The following RBBP8 variants were observed in gnomAD, a reference collection of about 807,000 sequenced individuals.
The protein encoded by RBBP8 is RB binding protein 8, endonuclease, also known as DNA endonuclease RBBP8.
Under a neutral mutation model 108.3 loss-of-function variants are expected in RBBP8, and 88 were observed. That is an observed-to-expected ratio of 0.81 (90% CI 0.68 to 0.97). RBBP8 has a LOEUF of 0.97. Ranked by LOEUF, RBBP8 falls within the 50% of genes least tolerant of loss-of-function variation. The pLI is 0.00. For synonymous variants in RBBP8, 332 were observed against 348.2 expected (o/e 0.95, Z 0.52); for missense variants, 1,023 against 1,049.0 (o/e 0.98, Z 0.34).
intron 2 of RBBP8, among the ~76,000 whole-genome samples, chr18:22,940,390 G>A (rs571120934): frequency 2.7e-4 from 40 of 147,936 alleles, no homozygotes; most frequent in South Asian, 8.5e-4. Context: ...GCGCGATCTC[G>A]GCTCACTGCA....
intron 12 of RBBP8, 117 bp downstream of exon 12, chr18:22,993,964 TGTCTGTATTTATAGGAC>T: frequency 9.4e-7 from 1 of 1,059,208 alleles, no homozygotes. Flanking sequence ...TTCCTTCAGG[TGTCTGTATTTATAGGAC>T]GATTCTCACA....
At chr18:22,970,623 C>T (rs1284463555) in intron 5 of RBBP8, among the ~76,000 whole-genome samples, 1 of 152,156 alleles carries the variant, frequency 6.6e-6, no homozygotes, top group Non-Finnish European at 1.5e-5. Flanking sequence ...TTAAAATTGG[C>T]ATTCCCTGTT....
chr18:22,993,348 A>G lies in RBBP8; in HGVS notation c.1521A>G (p.Gln507=). 6.2e-7 allele frequency: 1 copy of G among 1,614,274 alleles called. No individual in the cohort carries two copies. The highest frequency in any genetic ancestry group is 1.1e-5 in the South Asian group (1 of 91,092). ...FSAIQRQEKS[Q]GSETSKNKFR... ...CTATTCAGCGTCAAGAGAAAAGCCAAGGAAGTGAGACTTCTAAAAACAAAT... is the reference window on the plus strand; with the variant it reads ...CTATTCAGCGTCAAGAGAAAAGCCAGGGAAGTGAGACTTCTAAAAACAAAT... The change falls in exon 11 of 19, where the codon CAA becomes CAG. Residue 507 remains glutamine, a synonymous_variant. Transcript: ENST00000327155.
intron 18 of RBBP8, among the ~76,000 whole-genome samples, chr18:23,022,948 G>A (rs1039019586): frequency 2.6e-5 from 4 of 151,864 alleles, no homozygotes; most frequent in Admixed American, 2.6e-4. Flanking sequence ...ACCCAGGCTG[G>A]AGTGTAGTGG....
intron 2 of RBBP8, among the ~76,000 whole-genome samples, chr18:22,940,942 T>TGGTC (rs1911036684): frequency 6.6e-6 from 1 of 152,080 alleles, no homozygotes; most frequent in African/African-American, 2.4e-5. Flanking sequence ...CCACCACACC[T>TGGTC]GGTCATTCTA....
Position 22,993,795 on chromosome 18 carries a change from T to C in RBBP8, c.1887T>C (p.Leu629=), listed in dbSNP as rs1296580939. The part of the protein sequence containing the change: ...DHGGCELASV[L]QLNPCRTGKI... ...GAGGATGTGAACTTGCATCAGTTCT[T>C]CAGTTAAATCCATGTAGAACTGGTA... is the stretch of plus-strand genomic sequence containing the variant. Residue 629 remains leucine (L), a synonymous_variant, in exon 12 of 19, where the codon CTT becomes CTC. Coordinates refer to ENST00000327155, the MANE Select transcript of RBBP8 (RefSeq NM_002894.3). 6.2e-7 allele frequency: 1 copy of C among 1,613,730 alleles called. No homozygotes were observed. Among genetic ancestry groups the C allele is most frequent in the Admixed American group, 1.7e-5 (1 of 60,020 alleles).
upstream of RBBP8, chr18:22,929,521 C>CA (rs1909933813): frequency 9.5e-5 from 4 of 42,054 alleles, no homozygotes; most frequent in Non-Finnish European, 2.0e-4. Flanking sequence ...AAGAGACAGG[C>CA]GGGTGTGTGT....
At chr18:22,961,872 CCT>C (rs1913132718) in intron 4 of RBBP8, among the ~76,000 whole-genome samples, 1 of 152,164 alleles carries the variant, frequency 6.6e-6, no homozygotes, top group Non-Finnish European at 1.5e-5. Context: ...AAATCTTTTT[CCT>C]CTCTTTCTCC....
intron 2 of RBBP8, among the ~76,000 whole-genome samples, chr18:22,937,701 C>A (rs1237857283): frequency 1.3e-5 from 2 of 151,936 alleles, no homozygotes; most frequent in Non-Finnish European, 2.9e-5. Context: ...TGGTCTTGAA[C>A]TCCTGGCCTC....
intron 3 of RBBP8, among the ~76,000 whole-genome samples, chr18:22,923,913 A>G (rs1466691173): frequency 1.3e-5 from 2 of 152,208 alleles, no homozygotes; most frequent in Non-Finnish European, 2.9e-5. Context: ...TATCTATTAC[A>G]AGGCAAGTAA....
chr18:23,000,759 T>C (rs35899201), intron 14 of RBBP8, among the ~76,000 whole-genome samples: 1,832 of 148,644 alleles, frequency 0.012, 42 homozygotes, highest in African/African-American at 0.042. Flanking sequence ...AAAAAAAGCA[T>C]GAGTAAAGAA....
At chr18:22,925,066 T>C (rs1033315058) in intron 3 of RBBP8, among the ~76,000 whole-genome samples, 2 of 152,028 alleles carry the variant, frequency 1.3e-5, no homozygotes, top group African/African-American at 2.4e-5. Flanking sequence ...TATTTTCTTG[T>C]AGAGACAGGG....
chr18:23,016,947 A>AT (rs570308340), intron 17 of RBBP8, 23 bp downstream of exon 17: 308 of 1,519,454 alleles, frequency 2.0e-4, no homozygotes, highest in Non-Finnish European at 2.3e-4. Context: ...GTAGATACTA[A>AT]TTTTTTTTTA....
intron 5 of RBBP8, among the ~76,000 whole-genome samples, chr18:22,972,353 CA>C (rs1168455023): frequency 0.019 from 1,053 of 55,892 alleles, 6 homozygotes; most frequent in African/African-American, 0.051. Flanking sequence ...GACTCCCTCT[CA>C]AAAAAAAAAA....
chr18:22,956,471 G>A (rs774330446), intron 4 of RBBP8, among the ~76,000 whole-genome samples: 1 of 152,062 alleles, frequency 6.6e-6, no homozygotes, highest in Non-Finnish European at 1.5e-5. Flanking sequence ...AGGTAGCTAG[G>A]ACTACAGGCA....
chr18:22,946,839 A>G (rs1034797618), intron 3 of RBBP8, among the ~76,000 whole-genome samples: 4 of 152,126 alleles, frequency 2.6e-5, no homozygotes, highest in African/African-American at 9.6e-5. Flanking sequence ...CATAATTAAC[A>G]CATGGAATTC....
intron 4 of RBBP8, among the ~76,000 whole-genome samples, chr18:22,967,124 TG>T (rs1359335960): frequency 6.6e-6 from 1 of 152,148 alleles, no homozygotes; most frequent in African/African-American, 2.4e-5. Flanking sequence ...CCCAGCACTT[TG>T]GGAGGCGGAA....
In RBBP8 at chr18:22,996,444, T is replaced by TA; in HGVS notation, c.2011dup (p.Thr671AsnfsTer26). ...ACCTTTCTCAGTATAAAATGGATGT[T>TA]ACTGTAATAGATACAAAGGTAAGTT... On this transcript the variant is annotated frameshift_variant, in exon 13 of 19. Coordinates refer to ENST00000327155, the MANE Select transcript of RBBP8 (RefSeq NM_002894.3). LOFTEE classifies it high-confidence loss of function. 1 of 1,613,614 alleles carries TA rather than the reference T, an allele frequency of 6.2e-7. No individual in the cohort carries two copies. Among genetic ancestry groups the TA allele is most frequent in the Non-Finnish European group, 8.5e-7 (1 of 1,179,832 alleles).
intron 3 of RBBP8, among the ~76,000 whole-genome samples, chr18:22,917,624 A>T (rs938042171): frequency 2.6e-5 from 4 of 152,322 alleles, no homozygotes; most frequent in South Asian, 2.1e-4. Flanking sequence ...TTCTTTCAGT[A>T]AGAGAAGTCA....
Sources: allele counts gnomAD v4.1 joint callset (sites outside exome capture counted in the v4.1 genomes callset), GRCh38; gene constraint gnomAD v4.1.1; transcripts MANE v1.5; gene names NCBI Gene and HGNC (gene_info 2026-07-23, HGNC 2026-07-21).